The following RAB11FIP4 variants were observed in gnomAD, a reference collection of about 807,000 sequenced individuals.
RAB11FIP4 encodes RAB11 family interacting protein 4, also known as rab11 family-interacting protein 4.
A neutral mutation model predicts 74.3 loss-of-function variants in RAB11FIP4; 23 were observed. That is an observed-to-expected ratio of 0.31 (90% CI 0.22 to 0.44). RAB11FIP4 has a LOEUF of 0.44. Ranked by LOEUF, RAB11FIP4 falls within the 20% of genes least tolerant of loss-of-function variation. The probability of loss-of-function intolerance (pLI) is 1.00; values close to 1 mark genes in which losing one functional copy is unlikely to be tolerated. For missense variants in RAB11FIP4, 630 were observed against 863.9 expected, an observed-to-expected ratio of 0.73 and a Z score of 3.39; for synonymous variants, 360 against 359.9, an observed-to-expected ratio of 1.00 and a Z score of 0.00.
chr17:31,467,182 G>A (rs1318704541), intron 3 of RAB11FIP4, among the ~76,000 whole-genome samples: 1 of 151,860 alleles, frequency 6.6e-6, no homozygotes, highest in African/African-American at 2.4e-5. Context: ...GCATGATGTC[G>A]GTTCACTGCA....
rs60543450 is a variant in RAB11FIP4, at chr17:31,446,433, T to C, written c.336+12311T>C. Among the ~76,000 whole-genome samples the C allele has an allele frequency of 8.9e-4, 136 of 152,252 alleles. 1 individual carries two copies. Among genetic ancestry groups the C allele is most frequent in the African/African-American group, 3.2e-3 (133 of 41,548 alleles). ...GTGGGGAGGCAGCCGGCCTTGGTAC[T>C]TTCTGGCTCCAGGAACACGCCATGG... On this transcript the variant is annotated intron_variant, in intron 3 of 14. Coordinates refer to ENST00000621161, the MANE Select transcript of RAB11FIP4 (RefSeq NM_032932.6).
At chr17:31,514,219 C>T (rs533312339) in intron 3 of RAB11FIP4, among the ~76,000 whole-genome samples, 2 of 152,346 alleles carry the variant, frequency 1.3e-5, no homozygotes, top group African/African-American at 2.4e-5. Context: ...AGTATCAGGA[C>T]GCTGCTGTAG....
chr17:31,488,436 C>T (rs931559160), intron 3 of RAB11FIP4: 19 of 762,172 alleles, frequency 2.5e-5, no homozygotes, highest in East Asian at 8.1e-5. Context: ...CTGCCAGGTG[C>T]GCGGGTGGCG....
intron 1 of RAB11FIP4, among the ~76,000 whole-genome samples, chr17:31,401,051 G>A (rs568973778): frequency 3.3e-5 from 5 of 152,238 alleles, no homozygotes; most frequent in South Asian, 2.1e-4. Flanking sequence ...GGCAGATCAC[G>A]AGGTCAGGAG....
At chr17:31,459,914 G>A (rs1166877886) in intron 3 of RAB11FIP4, among the ~76,000 whole-genome samples, 1 of 152,182 alleles carries the variant, frequency 6.6e-6, no homozygotes, top group African/African-American at 2.4e-5. Flanking sequence ...TGGAGCCTGG[G>A]ACTGGCTCAG....
chr17:31,479,040 G>T (rs934385611), intron 3 of RAB11FIP4, among the ~76,000 whole-genome samples: 1 of 152,174 alleles, frequency 6.6e-6, no homozygotes, highest in Non-Finnish European at 1.5e-5. Flanking sequence ...GCCAGATCTG[G>T]GTACAAATCT....
At chr17:31,472,196 G>T (rs906894257) in intron 3 of RAB11FIP4, among the ~76,000 whole-genome samples, 6 of 151,514 alleles carry the variant, frequency 4.0e-5, no homozygotes, top group Non-Finnish European at 7.4e-5. Context: ...CACAGAACAG[G>T]AAAGGGGCTG....
At chr17:31,396,684 C>T (rs903812666) in intron 1 of RAB11FIP4, among the ~76,000 whole-genome samples, 3 of 152,184 alleles carry the variant, frequency 2.0e-5, no homozygotes, top group East Asian at 3.8e-4. Flanking sequence ...GCCCCTCTTA[C>T]GTCCCCTCGG....
intron 3 of RAB11FIP4, among the ~76,000 whole-genome samples, chr17:31,454,458 G>T (rs927777837): frequency 3.3e-5 from 5 of 151,944 alleles, no homozygotes; most frequent in African/African-American, 1.2e-4. Context: ...ATTTTTAATA[G>T]AGATGGAGTT....
intron 3 of RAB11FIP4, among the ~76,000 whole-genome samples, chr17:31,516,792 C>T (rs1484944092): frequency 6.6e-6 from 1 of 152,178 alleles, no homozygotes; most frequent in East Asian, 1.9e-4. Context: ...AAGTACACTC[C>T]ACGGGATGGG....
chr17:31,536,848 T>G lies in RAB11FIP4; in HGVS notation c.*5116T>G. On this transcript the variant is annotated 3_prime_UTR_variant, in exon 15 of 15. Transcript: ENST00000621161. ...AAATAGGCTGCCTTCTAGAAAGATT[T>G]GTTTCTAAAAGCGTAGACCCTGGGG... 5.0e-6 allele frequency: 2 copies of G among 397,510 alleles called. No individual in the cohort carries two copies. The highest frequency in any genetic ancestry group is 4.4e-6 in the Non-Finnish European group (1 of 225,916). The allele number at this position is 397,510 out of a possible 1,614,324, so 24.6% of individuals were successfully genotyped here.
chr17:31,521,822 C>T, intron 5 of RAB11FIP4, 93 bp from the exon 6 acceptor site: 1 of 1,462,918 alleles, frequency 6.8e-7, no homozygotes, highest in Non-Finnish European at 9.5e-7. Context: ...TTCAAAGGTA[C>T]TGGGGACTCA....
In RAB11FIP4 at chr17:31,536,806, C is replaced by T. The variant is rs1470098972; in HGVS notation, c.*5074C>T. On this transcript the variant is annotated 3_prime_UTR_variant, in exon 15 of 15. Coordinates refer to ENST00000621161, the MANE Select transcript of RAB11FIP4 (RefSeq NM_032932.6). ...CTCTGAGGCCCTTCTGCCATATTCT[C>T]TGCTACCCACCAGAGAAAATAGGCT... 1.3e-5 allele frequency: 5 copies of T among 395,242 alleles called. No individual in the cohort carries two copies. The highest frequency in any genetic ancestry group is 1.8e-5 in the Non-Finnish European group (4 of 224,552). 24.5% of individuals were successfully genotyped at this position (395,242 alleles called of 1,614,324 possible).
intron 10 of RAB11FIP4, chr17:31,526,393 TC>T (rs1356613711): frequency 2.6e-5 from 4 of 152,154 alleles, no homozygotes; most frequent in African/African-American, 9.7e-5. Context: ...CGAGTGGTGT[TC>T]CCAGAGTCCT....
At chr17:31,492,350 T>A (rs956930033) in intron 3 of RAB11FIP4, among the ~76,000 whole-genome samples, 21 of 152,084 alleles carry the variant, frequency 1.4e-4, no homozygotes, top group African/African-American at 4.8e-4. Context: ...TACACACACG[T>A]GTGTTTGCGT....
intron 3 of RAB11FIP4, among the ~76,000 whole-genome samples, chr17:31,507,974 G>T (rs1281485628): frequency 6.6e-6 from 1 of 152,132 alleles, no homozygotes; most frequent in African/African-American, 2.4e-5. Context: ...CAACAGGCAT[G>T]CGCCACCACA....
intron 3 of RAB11FIP4, among the ~76,000 whole-genome samples, chr17:31,476,172 C>CTTTTTGTTTTTTTTTTTTTTTTTTTTTT (rs2071790351): frequency 1.6e-5 from 1 of 63,532 alleles, no homozygotes; most frequent in African/African-American, 5.9e-5. Context: ...ATCGACTGAA[C>CTTTTTGTTTTTTTTTTTTTTTTTTTTTT]TTTTTTTTTT....
intron 3 of RAB11FIP4, among the ~76,000 whole-genome samples, chr17:31,499,160 G>C (rs2072171727): frequency 6.6e-6 from 1 of 152,156 alleles, no homozygotes; most frequent in Admixed American, 6.5e-5. Context: ...GGAGCTTCCG[G>C]TAGGCATTTG....
chr17:31,444,758 T>C (rs1175628345), intron 3 of RAB11FIP4, among the ~76,000 whole-genome samples: 2 of 152,256 alleles, frequency 1.3e-5, no homozygotes, highest in African/African-American at 4.8e-5. Flanking sequence ...AGGGAAAAAT[T>C]TGGGTTTTAT....
Sources: allele counts gnomAD v4.1 joint callset (sites outside exome capture counted in the v4.1 genomes callset), GRCh38; gene constraint gnomAD v4.1.1; transcripts MANE v1.5; gene names NCBI Gene and HGNC (gene_info 2026-07-23, HGNC 2026-07-21).